OTOA: variants seen among roughly 807,000 people sequenced by gnomAD.
OTOA encodes the protein otoancorin, also known as cancer/testis antigen 108.
Under a neutral mutation model 110.8 loss-of-function variants are expected in OTOA, and 70 were observed. That is an observed-to-expected ratio of 0.63 (90% CI 0.52 to 0.77). OTOA has a LOEUF of 0.77. Among genes scored for constraint, OTOA ranks in the 30% least tolerant of loss-of-function variants. The pLI is 0.00. For missense variants in OTOA, 917 were observed against 1,075.8 expected (o/e 0.85, Z 2.06); for synonymous variants, 373 against 431.5 (o/e 0.86, Z 1.68).
intron 1 of OTOA, among the ~76,000 whole-genome samples, chr16:21,676,772 C>T (rs897048432): frequency 2.0e-5 from 3 of 152,176 alleles, no homozygotes; most frequent in Non-Finnish European, 4.4e-5. Flanking sequence ...AGTTCCACTC[C>T]GTCTCTTCTG....
intron 9 of OTOA, 44 bp from the exon 10 acceptor site, chr16:21,697,731 T>C (rs1206625744): frequency 1.3e-6 from 2 of 1,558,546 alleles, no homozygotes; most frequent in Admixed American, 3.3e-5. Flanking sequence ...TAAAGGCTTT[T>C]ATTTATGTAT....
intron 1 of OTOA, among the ~76,000 whole-genome samples, chr16:21,664,450 G>C (rs1966826169): frequency 6.6e-6 from 1 of 152,080 alleles, no homozygotes; most frequent in South Asian, 2.1e-4. Context: ...ATGAAACTTC[G>C]AGAAAAGGGA....
At chr16:21,718,667 C>T (rs1314385149) in intron 15 of OTOA, among the ~76,000 whole-genome samples, 1 of 152,130 alleles carries the variant, frequency 6.6e-6, no homozygotes, top group East Asian at 1.9e-4. Context: ...CTAGAGTGCT[C>T]ATTGGGGGGT....
In OTOA at chr16:21,722,909, ATTGT is replaced by A; in HGVS notation, c.1815_1818del (p.Cys605TrpfsTer38). ...CAGAACTGCTTAATCTTTCAGGTTA[ATTGT>A]TTGGCGTGGAAATACTGGGAAGTTT... On this transcript the variant is annotated frameshift_variant, in exon 18 of 29. Transcript: ENST00000646100. LOFTEE classifies it high-confidence loss of function. 3 of 1,614,054 alleles carry A rather than the reference ATTGT, an allele frequency of 1.9e-6. No individual in the cohort carries two copies. Among genetic ancestry groups the A allele is most frequent in the Non-Finnish European group, 2.5e-6 (3 of 1,179,932 alleles).
chr16:21,704,034 C>T (rs1898105325), intron 11 of OTOA, among the ~76,000 whole-genome samples: 1 of 152,126 alleles, frequency 6.6e-6, no homozygotes, highest in Admixed American at 6.6e-5. Context: ...AGCGGCCTCA[C>T]AGAGAAGTTA....
At chr16:21,695,891 A>ATATATATATATATATTTTTTTT (rs569493650) in intron 9 of OTOA, among the ~76,000 whole-genome samples, 1 of 41,896 alleles carries the variant, frequency 2.4e-5, no homozygotes, top group African/African-American at 1.5e-4. Flanking sequence ...ATATATATAT[A>ATATATATATATATATTTTTTTT]TTTTTTTTTT....
At chr16:21,697,901 G>A (rs1158755796) in intron 10 of OTOA, 26 bp downstream of exon 10, 5 of 1,564,746 alleles carry the variant, frequency 3.2e-6, no homozygotes, top group Non-Finnish European at 4.4e-6. Flanking sequence ...ACATTTATAT[G>A]TCACCATTAC....
At chr16:21,681,364 G>A (rs1660994821) in intron 5 of OTOA, among the ~76,000 whole-genome samples, 2 of 152,082 alleles carry the variant, frequency 1.3e-5, no homozygotes, top group Non-Finnish European at 2.9e-5. Flanking sequence ...GCAGAGGTGG[G>A]AGGATTGCTT....
chr16:21,702,569 T>A (rs1898074271), intron 11 of OTOA, among the ~76,000 whole-genome samples: 1 of 152,200 alleles, frequency 6.6e-6, no homozygotes, highest in African/African-American at 2.4e-5. Flanking sequence ...TACTTCCGCT[T>A]CCCCATCTGT....
chr16:21,693,058 C>T (rs1359650847), intron 9 of OTOA, among the ~76,000 whole-genome samples: 1 of 152,000 alleles, frequency 6.6e-6, no homozygotes, highest in African/African-American at 2.4e-5. Context: ...AGTTTGAGAC[C>T]AGCCTGGCCA....
chr16:21,728,347 C>T lies in OTOA; in HGVS notation c.2123C>T (p.Thr708Ile). 3 of 1,614,078 alleles carry T rather than the reference C, an allele frequency of 1.9e-6. No homozygotes were observed. Among genetic ancestry groups the T allele is most frequent in the Non-Finnish European group, 2.5e-6 (3 of 1,180,000 alleles). The change falls in exon 20 of 29, where the codon ACT becomes ATT. Residue 708 changes from threonine to isoleucine, a missense_variant. Thr to Ile is a moderately conservative substitution (Grantham distance 89). Coordinates refer to ENST00000646100, the MANE Select transcript of OTOA (RefSeq NM_144672.4). ...GGGATCTCCCCCAGGGCTTGGGCGA[C>T]TGCTCTACACGGCCTCAGAGACTGC... ...DRGISPRAWA[T>I]ALHGLRDCPD...
At chr16:21,713,055 C>A (rs1645591099) in intron 13 of OTOA, among the ~76,000 whole-genome samples, 1 of 151,948 alleles carries the variant, frequency 6.6e-6, no homozygotes, top group African/African-American at 2.4e-5. Flanking sequence ...CCTTGACCCC[C>A]CAGGCTCAGG....
chr16:21,679,241 A>T, intron 5 of OTOA, 30 bp downstream of exon 5: 1 of 1,605,288 alleles, frequency 6.2e-7, no homozygotes, highest in Non-Finnish European at 8.5e-7. Flanking sequence ...AGGGGAAGGG[A>T]TGGTATAGAT....
At chr16:21,723,093 A>G in intron 18 of OTOA, 115 bp downstream of exon 18, 1 of 1,048,944 alleles carries the variant, frequency 9.5e-7, no homozygotes, top group South Asian at 1.3e-5. Context: ...GGCAGAGTGG[A>G]GGATGCCTTA....
chr16:21,684,309 G>A (rs1006390701), intron 6 of OTOA: 2 of 1,340,804 alleles, frequency 1.5e-6, no homozygotes, highest in African/African-American at 1.5e-5. Flanking sequence ...ATCACACTGG[G>A]CATGTCTGTT....
At chr16:21,676,793 C>A (rs1394483889) in intron 1 of OTOA, among the ~76,000 whole-genome samples, 2 of 152,150 alleles carry the variant, frequency 1.3e-5, no homozygotes, top group Non-Finnish European at 2.9e-5. Context: ...CTCAGTGAGA[C>A]CTGTAGGCTC....
At chr16:21,678,452 G>GTATATA (rs144912719) in intron 1 of OTOA, 59 bp from the exon 2 acceptor site, 2 of 993,384 alleles carry the variant, frequency 2.0e-6, no homozygotes, top group Admixed American at 2.1e-5. Flanking sequence ...ATGTGTGTGT[G>GTATATA]TGTATATATA....
chr16:21,711,161 C>T (rs1047101390), intron 13 of OTOA, among the ~76,000 whole-genome samples: 6 of 152,174 alleles, frequency 3.9e-5, no homozygotes, highest in Admixed American at 1.3e-4. Flanking sequence ...GTGGGATCAA[C>T]GTGTGGGACT....
At chr16:21,734,651 A>C (rs1899225684) in intron 21 of OTOA, among the ~76,000 whole-genome samples, 1 of 152,100 alleles carries the variant, frequency 6.6e-6, no homozygotes, top group Non-Finnish European at 1.5e-5. Context: ...CCTGGCTAAG[A>C]GGGTGAAACC....
Sources: allele counts gnomAD v4.1 joint callset (sites outside exome capture counted in the v4.1 genomes callset), GRCh38; gene constraint gnomAD v4.1.1; transcripts MANE v1.5; gene names NCBI Gene and HGNC (gene_info 2026-07-23, HGNC 2026-07-21).